The following MAP3K1 variants were observed in gnomAD, a reference collection of about 807,000 sequenced individuals.
MAP3K1 encodes mitogen-activated protein kinase kinase kinase 1.
In MAP3K1, 36 loss-of-function variants were observed where a neutral mutation model predicts 144.2. The ratio of observed to expected loss-of-function variants is 0.25; its 90% CI spans 0.19 to 0.33. The LOEUF (loss-of-function observed/expected upper bound fraction) is 0.33, where lower values mean the gene tolerates loss of function less well. Ranked by LOEUF, MAP3K1 falls within the 10% of genes least tolerant of loss-of-function variation. The pLI, the probability that MAP3K1 is intolerant of heterozygous loss-of-function variation, is 1.00. For synonymous variants in MAP3K1, 718 were observed against 688.7 expected, an observed-to-expected ratio of 1.04 and a Z score of -0.67; for missense variants, 1,650 against 1,881.9, an observed-to-expected ratio of 0.88 and a Z score of 2.28.
intron 1 of MAP3K1, among the ~76,000 whole-genome samples, chr5:56,823,387 T>G (rs1746213881): frequency 6.6e-6 from 1 of 152,218 alleles, no homozygotes; most frequent in Non-Finnish European, 1.5e-5. Flanking sequence ...CTTAACTCAT[T>G]GACACTTCCT....
intron 18 of MAP3K1, 70 bp from the exon 19 acceptor site, chr5:56,888,156 C>T: frequency 7.1e-7 from 1 of 1,410,602 alleles, no homozygotes; most frequent in Non-Finnish European, 1.0e-6. Flanking sequence ...GAAGTAGAAT[C>T]TATAACTACA....
chr5:56,885,682 A>T (rs977767917), intron 16 of MAP3K1, among the ~76,000 whole-genome samples: 7 of 152,236 alleles, frequency 4.6e-5, no homozygotes, highest in Non-Finnish European at 1.0e-4. Flanking sequence ...GTTTAATCCG[A>T]AATTGTTAAC....
Position 56,882,562 on chromosome 5 carries a change from G to C in MAP3K1, c.3362G>C (p.Arg1121Thr), listed in dbSNP as rs770159849. 17 of 1,614,060 alleles carry C rather than the reference G, an allele frequency of 1.1e-5. No individual in the cohort carries two copies. Among genetic ancestry groups the C allele is most frequent in the Non-Finnish European group, 1.4e-5 (16 of 1,180,030 alleles). Residue 1121 changes from arginine (R) to threonine (T), a missense_variant, in exon 14 of 20, where the codon AGA becomes ACA. Physicochemically the swap from Arg to Thr is moderately conservative, Grantham distance 71. This residue lies in a region of MAP3K1 where 841 missense variants were observed against 886.5 expected (regional missense o/e 0.95). Transcript: ENST00000399503. ...TTCACCCCAGTAGAGGAGAAATGCA[G>C]ATTAGATGTCAATACAGAGCTCAAC... The part of the protein sequence containing the change: ...TVFTPVEEKC[R>T]LDVNTELNSS...
At chr5:56,817,901 G>T (rs1016328281) in intron 1 of MAP3K1, among the ~76,000 whole-genome samples, 1 of 152,158 alleles carries the variant, frequency 6.6e-6, no homozygotes, top group Non-Finnish European at 1.5e-5. Context: ...GAGGACTAAG[G>T]TGGAGGCAGA....
At chr5:56,857,604 T>C (rs1425121469) in intron 2 of MAP3K1, among the ~76,000 whole-genome samples, 6 of 152,198 alleles carry the variant, frequency 3.9e-5, no homozygotes, top group African/African-American at 1.4e-4. Context: ...TATTTAAGTT[T>C]ACATTTAAAT....
At chr5:56,855,408 T>G (rs894911245) in intron 1 of MAP3K1, among the ~76,000 whole-genome samples, 5 of 152,206 alleles carry the variant, frequency 3.3e-5, no homozygotes, top group African/African-American at 1.2e-4. Context: ...ATTTGCAAGT[T>G]TCAAACCAAA....
At chr5:56,827,875 A>G (rs60985357) in intron 1 of MAP3K1, among the ~76,000 whole-genome samples, 58 of 152,024 alleles carry the variant, frequency 3.8e-4, no homozygotes, top group Middle Eastern at 3.4e-3. Flanking sequence ...AAAAAAAAAA[A>G]AGAACCTGGG....
At position 56,865,858 on chromosome 5, in the gene MAP3K1, T is replaced by C; in HGVS notation, c.1182T>C (p.Ser394=). The C allele has an allele frequency of 6.2e-7, 1 of 1,614,160 alleles. No homozygotes were observed. Among genetic ancestry groups the C allele is most frequent in the African/African-American group, 1.3e-5 (1 of 75,066 alleles). Residue 394 remains serine (S), a synonymous_variant, in exon 6 of 20, where the codon AGT becomes AGC. Transcript: ENST00000399503. The part of the protein sequence containing the change: ...EVESLFQKYH[S]RRSSRIKAPS... ...AGAGTTTGTTCCAGAAATATCACAG[T>C]AGGCGTAGCTCAAGGATCAAAGCTC...
At chr5:56,864,194 GTCTC>G (rs943037428) in intron 3 of MAP3K1, among the ~76,000 whole-genome samples, 2 of 152,110 alleles carry the variant, frequency 1.3e-5, no homozygotes, top group Non-Finnish European at 2.9e-5. Flanking sequence ...CCACATGGTT[GTCTC>G]TCTCAGCCAG....
intron 6 of MAP3K1, among the ~76,000 whole-genome samples, chr5:56,869,035 T>TG: frequency 6.6e-6 from 1 of 150,472 alleles, no homozygotes; most frequent in Non-Finnish European, 1.5e-5. Flanking sequence ...TGAGCCTAGG[T>TG]GGGAGGATAT....
In MAP3K1 at chr5:56,862,764, CTTTT is replaced by C. The variant is rs1206191131; in HGVS notation, c.835-1966_835-1963del. Among the ~76,000 whole-genome samples, 16 of 122,396 alleles carry C rather than the reference CTTTT, an allele frequency of 1.3e-4. No individual in the cohort carries two copies. The East Asian group carries it at 3.5e-3, about 27-fold the overall frequency. The allele number at this position is 122,396 out of a possible 152,430, so 80.3% of individuals were successfully genotyped here. A position where few individuals can be genotyped will look rare whatever the true frequency, so the allele number is the denominator to read the frequency against. Reference sequence around the variant, plus strand: ...AAATGACGTGTGCATGCATAATTGGCTTTTTTTGTTTGTTTTTACTTTTTAGTAA... The same window carrying C: ...AAATGACGTGTGCATGCATAATTGGCTTTGTTTGTTTTTACTTTTTAGTAA... On this transcript the variant is annotated intron_variant, in intron 3 of 19. Transcript: ENST00000399503.
In MAP3K1 at chr5:56,886,029, C is replaced by G. The variant is rs2111958376; in HGVS notation, c.4080C>G (p.Leu1360=). Reference sequence around the variant, plus strand: ...AGTTACTCCGTGGCCTTTCGTATCTCCATGAAAACCAAATCATTCACAGAG... The same window carrying G: ...AGTTACTCCGTGGCCTTTCGTATCTGCATGAAAACCAAATCATTCACAGAG... ...TEQLLRGLSY[L]HENQIIHRDV... The change falls in exon 17 of 20, where the codon CTC becomes CTG. Residue 1360 remains leucine, a synonymous_variant. Coordinates refer to ENST00000399503, the MANE Select transcript of MAP3K1 (RefSeq NM_005921.2). The G allele has an allele frequency of 1.9e-6, 3 of 1,612,162 alleles. No individual in the cohort carries two copies. Among genetic ancestry groups the G allele is most frequent in the Non-Finnish European group, 2.5e-6 (3 of 1,178,332 alleles).
At chr5:56,873,046 A>G (rs1747907541) in intron 9 of MAP3K1, 41 bp downstream of exon 9, 4 of 1,554,166 alleles carry the variant, frequency 2.6e-6, no homozygotes, top group East Asian at 2.3e-5. Flanking sequence ...AGAAATATTT[A>G]TAGATCAATT....
intron 1 of MAP3K1, among the ~76,000 whole-genome samples, chr5:56,853,295 A>C (rs1747232520): frequency 6.6e-6 from 1 of 152,180 alleles, no homozygotes; most frequent in South Asian, 2.1e-4. Flanking sequence ...TAGGAAAAAC[A>C]CTTTGGTTTA....
At chr5:56,878,897 T>G (rs1748118338) in intron 10 of MAP3K1, 83 bp from the exon 11 acceptor site, 1 of 1,218,312 alleles carries the variant, frequency 8.2e-7, no homozygotes, top group Non-Finnish European at 1.2e-6. Context: ...ACTTATTTTG[T>G]TGCTCAAATT....
chr5:56,866,013 G>A (rs768591030), intron 6 of MAP3K1, 36 bp downstream of exon 6: 2 of 1,517,630 alleles, frequency 1.3e-6, no homozygotes, highest in African/African-American at 2.7e-5. Context: ...CATTAATCCA[G>A]TGTTACTTTT....
rs777900467 is a variant in MAP3K1 at position 56,888,382 on chromosome 5, C to A, written c.4389+25C>A. ...GGTAATTGTGAGATAAAAATTACTT[C>A]TTTGTGCTAAAAGGAGTACAGCAGA... On this transcript the variant is annotated intron_variant, in intron 19 of 19. Coordinates refer to ENST00000399503, the MANE Select transcript of MAP3K1 (RefSeq NM_005921.2). 18 of 1,611,556 alleles carry A rather than the reference C, an allele frequency of 1.1e-5. No homozygotes were observed. The African/African-American group carries it at 1.9e-4, about 17-fold the overall frequency.
At chr5:56,823,481 C>T (rs1378143812) in intron 1 of MAP3K1, among the ~76,000 whole-genome samples, 1 of 152,148 alleles carries the variant, frequency 6.6e-6, no homozygotes, top group Non-Finnish European at 1.5e-5. Flanking sequence ...CATTTGTTAC[C>T]TCATTTGATG....
intron 4 of MAP3K1, 103 bp from the exon 5 acceptor site, chr5:56,865,235 GAA>G (rs913129408): frequency 1.9e-5 from 14 of 742,146 alleles, no homozygotes; most frequent in Non-Finnish European, 3.3e-5. Context: ...TGAATTAATA[GAA>G]ACTTTAGTAT....
Sources: allele counts gnomAD v4.1 joint callset (sites outside exome capture counted in the v4.1 genomes callset), GRCh38; gene constraint gnomAD v4.1.1; regional missense constraint gnomAD v4.1.1; transcripts MANE v1.5; gene names NCBI Gene and HGNC (gene_info 2026-07-23, HGNC 2026-07-21).